Variants in USP40 observed in about 807,000 individuals in gnomAD.
USP40 encodes the protein ubiquitin specific peptidase 40, also known as ubiquitin carboxyl-terminal hydrolase 40.
In USP40, 143 loss-of-function variants were observed where a neutral mutation model predicts 166.2. The ratio of observed to expected loss-of-function variants is 0.86; its 90% CI spans 0.75 to 0.99. The LOEUF (loss-of-function observed/expected upper bound fraction) is 0.99. Ranked by LOEUF, USP40 falls within the 50% of genes least tolerant of loss-of-function variation. USP40 has a pLI of 0.00. For missense variants in USP40, 1,444 were observed against 1,479.7 expected (o/e 0.98, Z 0.40); for synonymous variants, 498 against 524.0 (o/e 0.95, Z 0.68).
chr2:233,482,626 T>C (rs1031238966), intron 30 of USP40, among the ~76,000 whole-genome samples: 1 of 149,822 alleles, frequency 6.7e-6, no homozygotes, highest in Non-Finnish European at 1.5e-5. Flanking sequence ...GGTCTGACTC[T>C]GCCACCCTGG....
rs2064959234 is a variant in USP40 at position 233,486,496 on chromosome 2, C to T, written c.3198-519G>A. 6.6e-6 allele frequency among the ~76,000 whole-genome samples: 1 copy of T among 152,040 alleles called. No homozygotes were observed. Among genetic ancestry groups the T allele is most frequent in the Non-Finnish European group, 1.5e-5 (1 of 68,018 alleles). On this transcript the variant is annotated intron_variant, in intron 28 of 31. Coordinates refer to ENST00000678225, the MANE Select transcript of USP40 (RefSeq NM_001365479.2). This position sits in a 1 kb window ranked among gnomAD's most constrained non-coding sequence, Gnocchi z 4.0. Reference sequence around the variant, plus strand: ...GGCTGCAGCTGTGGGAGATGGGAAACCTTAGCAGGAGGAGCAGAAAGAACA... The same window carrying T: ...GGCTGCAGCTGTGGGAGATGGGAAATCTTAGCAGGAGGAGCAGAAAGAACA...
chr2:233,566,382 CT>C (rs887827848), intron 1 of USP40, among the ~76,000 whole-genome samples: 2 of 152,166 alleles, frequency 1.3e-5, no homozygotes, highest in African/African-American at 4.8e-5. Context: ...AATTATTTTT[CT>C]TTTCCTCAGA....
intron 5 of USP40, among the ~76,000 whole-genome samples, chr2:233,555,989 A>G (rs911936615): frequency 1.4e-4 from 21 of 151,458 alleles, no homozygotes; most frequent in African/African-American, 4.6e-4. Context: ...GGTGGCGGGC[A>G]CCTGTAGTCC....
chr2:233,548,483 C>T (rs897264397), intron 8 of USP40, among the ~76,000 whole-genome samples: 2 of 152,096 alleles, frequency 1.3e-5, no homozygotes, highest in African/African-American at 4.8e-5. Context: ...TGTGCTGTCT[C>T]TTTATGATAA....
rs2072045457 is a variant in USP40, at chr2:233,565,342, G to GT, written c.199+13dup. ...GGTACATATTGCTAGTTAAATGTAC[G>GT]TAACATAGCATACCTCTGAATTCAG... On this transcript the variant is annotated intron_variant, in intron 2 of 31. Coordinates refer to ENST00000678225, the MANE Select transcript of USP40 (RefSeq NM_001365479.2). 4 of 1,514,824 alleles carry GT rather than the reference G, an allele frequency of 2.6e-6. No homozygotes were observed. The highest frequency in any genetic ancestry group is 1.2e-5 in the South Asian group (1 of 83,086). The allele number at this position is 1,514,824 out of a possible 1,614,324, so 93.8% of individuals were successfully genotyped here.
rs571453639 is a variant in USP40, at chr2:233,498,533, T to A, written c.2715+15A>T. ...TGTAATCATACGAAAGTACAATGTATAGAAATCATCTTACTTCTTCACATA... is the reference window on the plus strand; with the variant it reads ...TGTAATCATACGAAAGTACAATGTAAAGAAATCATCTTACTTCTTCACATA... On this transcript the variant is annotated intron_variant, in intron 23 of 31. Coordinates refer to ENST00000678225, the MANE Select transcript of USP40 (RefSeq NM_001365479.2). The A allele has an allele frequency of 3.7e-6, 6 of 1,609,870 alleles. No individual in the cohort carries two copies. Among genetic ancestry groups the A allele is most frequent in the Non-Finnish European group, 5.1e-6 (6 of 1,177,794 alleles).
At chr2:233,488,586 T>C (rs893257102) in intron 27 of USP40, among the ~76,000 whole-genome samples, 3 of 152,362 alleles carry the variant, frequency 2.0e-5, no homozygotes, top group Non-Finnish European at 4.4e-5. Context: ...AAGATTCTCA[T>C]GCCAGTCACT....
chr2:233,537,744 T>G (rs934891425), intron 10 of USP40, among the ~76,000 whole-genome samples: 1 of 152,058 alleles, frequency 6.6e-6, no homozygotes, highest in South Asian at 2.1e-4. Context: ...GGAGGTAAAA[T>G]AAATATTTTC....
At chr2:233,542,774 G>A (rs546129533) in intron 8 of USP40, among the ~76,000 whole-genome samples, 1 of 152,230 alleles carries the variant, frequency 6.6e-6, no homozygotes, top group South Asian at 2.1e-4. Flanking sequence ...TTGAATTCCA[G>A]CTCCTGGTTG....
In USP40 at chr2:233,512,556, C is replaced by A; in HGVS notation, c.2437+13G>T. The A allele has an allele frequency of 6.4e-7, 1 of 1,568,966 alleles. No individual in the cohort carries two copies. The highest frequency in any genetic ancestry group is 8.6e-7 in the Non-Finnish European group (1 of 1,158,478). On this transcript the variant is annotated intron_variant, in intron 19 of 31. Transcript: ENST00000678225. ...GTATAAGCCACCTTTTGAAAGTTAT[C>A]AAAAAGATTTACCTGGACAAAGAAG... is the stretch of plus-strand genomic sequence containing the variant.
At chr2:233,555,184 C>T (rs2070955801) in intron 5 of USP40, among the ~76,000 whole-genome samples, 1 of 152,108 alleles carries the variant, frequency 6.6e-6, no homozygotes, top group African/African-American at 2.4e-5. Flanking sequence ...CAGAGTGAGA[C>T]TCCATCTCAA....
intron 24 of USP40, among the ~76,000 whole-genome samples, chr2:233,495,575 A>G (rs960370326): frequency 3.9e-5 from 6 of 152,204 alleles, no homozygotes; most frequent in African/African-American, 1.4e-4. Flanking sequence ...ATCTCTTAAT[A>G]AACCTATTAA....
chr2:233,539,638 T>C (rs936509002), intron 10 of USP40, among the ~76,000 whole-genome samples: 4 of 152,018 alleles, frequency 2.6e-5, no homozygotes, highest in Admixed American at 6.6e-5. Flanking sequence ...ACAATATAAT[T>C]TGTTGAATAT....
chr2:233,490,841 A>C (rs1044439022), intron 26 of USP40, among the ~76,000 whole-genome samples: 10 of 152,222 alleles, frequency 6.6e-5, no homozygotes, highest in Non-Finnish European at 7.3e-5. Context: ...CAATGTAAAT[A>C]AAGGGATAAA....
At chr2:233,489,328 C>T (rs747943635) in intron 27 of USP40, 37 bp downstream of exon 27, 2 of 1,527,594 alleles carry the variant, frequency 1.3e-6, no homozygotes, top group Admixed American at 1.9e-5. Flanking sequence ...GCGTCAGCAG[C>T]AGAGAGGGAC....
chr2:233,515,153 C>T (rs1050920555), intron 18 of USP40, among the ~76,000 whole-genome samples: 32 of 152,192 alleles, frequency 2.1e-4, no homozygotes, highest in Admixed American at 2.0e-3. Flanking sequence ...TTCATCCATT[C>T]GCCTGCTCAT....
intron 11 of USP40, 50 bp downstream of exon 11, chr2:233,533,429 T>C (rs893999166): frequency 2.0e-6 from 3 of 1,529,682 alleles, no homozygotes; most frequent in Admixed American, 4.2e-5. Context: ...TCCATGTTTA[T>C]CTTCTAAAGC....
chr2:233,525,600 A>C (rs1412266540), intron 13 of USP40, 38 bp from the exon 14 acceptor site: 2 of 1,500,868 alleles, frequency 1.3e-6, no homozygotes, highest in Non-Finnish European at 1.9e-6. Context: ...AATGTTGAAA[A>C]GTGACATATA....
At chr2:233,547,466 G>C (rs928655811) in intron 8 of USP40, among the ~76,000 whole-genome samples, 12 of 152,186 alleles carry the variant, frequency 7.9e-5, no homozygotes, top group African/African-American at 2.9e-4. Context: ...GTGCATCTTG[G>C]ATACTGCTGG....
Sources: gnomAD v4.1 joint callset for allele counts (sites outside exome capture counted in the v4.1 genomes callset) on GRCh38, gnomAD v4.1.1 for gene constraint, Gnocchi (gnomAD v3.1) non-coding constraint, MANE v1.5 for transcripts, NCBI Gene and HGNC (gene_info 2026-07-23, HGNC 2026-07-21) for gene names.